Variants in COL3A1 observed in about 807,000 individuals in gnomAD.
COL3A1 encodes the protein collagen type III alpha 1 chain, also known as collagen alpha-1(III) chain.
A neutral mutation model predicts 200.9 loss-of-function variants in COL3A1; 46 were observed. That is an observed-to-expected ratio of 0.23 (90% CI 0.18 to 0.29). The LOEUF is 0.29. Among genes scored for constraint, COL3A1 ranks in the 10% least tolerant of loss-of-function variants. COL3A1 has a pLI of 1.00. For missense variants in COL3A1, 1,367 were observed against 1,917.6 expected (o/e 0.71, Z 5.36); for synonymous variants, 650 against 628.0 (o/e 1.03, Z -0.52).
chr2:188,990,942 TATCA>T (rs1688174842), intron 10 of COL3A1, 58 bp from the exon 11 acceptor site: 1 of 1,525,448 alleles, frequency 6.6e-7, no homozygotes, highest in Non-Finnish European at 9.1e-7. Context: ...ATGTAAACTT[TATCA>T]ATCATTCTAG....
chr2:188,994,417 G>A lies in COL3A1; in HGVS notation c.1293+85G>A. 6.3e-7 allele frequency: 1 copy of A among 1,580,826 alleles called. No homozygotes were observed. The highest frequency in any genetic ancestry group is 8.7e-7 in the Non-Finnish European group (1 of 1,151,774). On this transcript the variant is annotated intron_variant, in intron 18 of 50. Coordinates refer to ENST00000304636, the MANE Select transcript of COL3A1 (RefSeq NM_000090.4). This position sits in a 1 kb window ranked among gnomAD's most constrained non-coding sequence, Gnocchi z 4.5. Reference sequence around the variant, plus strand: ...AAATTAATAGCAAAATTTTGCTCCTGTTCAGTTGAATTTATATTGACTTCA... The same window carrying A: ...AAATTAATAGCAAAATTTTGCTCCTATTCAGTTGAATTTATATTGACTTCA...
chr2:188,998,347 C>T, intron 28 of COL3A1, 28 bp downstream of exon 28: 2 of 1,597,964 alleles, frequency 1.3e-6, no homozygotes, highest in Non-Finnish European at 1.7e-6. Flanking sequence ...ATTCAAAACT[C>T]AGAAACAAAA....
chr2:188,988,021 C>A, intron 5 of COL3A1, 60 bp from the exon 6 acceptor site: 1 of 1,271,636 alleles, frequency 7.9e-7, no homozygotes, highest in Non-Finnish European at 1.2e-6. Context: ...TGCTTTGAAG[C>A]ATGGATAAAG....
intron 15 of COL3A1, 55 bp downstream of exon 15, chr2:188,992,995 G>A (rs1688220385): frequency 7.9e-6 from 12 of 1,516,148 alleles, no homozygotes; most frequent in Admixed American, 5.0e-5. Flanking sequence ...CAAGAGAAAA[G>A]CATTAGATTG....
chr2:188,998,359 G>GTGTGT, intron 28 of COL3A1, 40 bp downstream of exon 28: 1 of 1,537,542 alleles, frequency 6.5e-7, no homozygotes, highest in Non-Finnish European at 9.0e-7. Flanking sequence ...GAAACAAAAA[G>GTGTGT]AATACACACT....
chr2:189,008,352 TC>T, intron 47 of COL3A1: 1 of 589,906 alleles, frequency 1.7e-6, no homozygotes, highest in African/African-American at 1.9e-5. Flanking sequence ...AAAAATTTGA[TC>T]AGGTATCCAT....
chr2:188,982,902 T>C (rs1687984227), intron 1 of COL3A1, among the ~76,000 whole-genome samples: 2 of 151,896 alleles, frequency 1.3e-5, no homozygotes, highest in South Asian at 4.1e-4. Context: ...ACTTAGTACT[T>C]AAATATGAAA....
intron 1 of COL3A1, among the ~76,000 whole-genome samples, chr2:188,982,115 G>A (rs2153501043): frequency 6.6e-6 from 1 of 151,572 alleles, no homozygotes; most frequent in Middle Eastern, 3.4e-3. Context: ...GCACCATGTT[G>A]ACTGTCATGT....
In COL3A1 at chr2:188,989,449, T is replaced by G; in HGVS notation, c.690T>G (p.Asp230Glu). ...AIGPSGPAGK[D>E]GESGRPGRPG... The stretch of plus-strand genomic sequence containing the variant: ...GTCCATCTGGTCCTGCTGGAAAAGA[T>G]GTAAGTTTTTAAAACTTAAATAAGA... Residue 230 changes from aspartate to glutamate, a missense_variant and splice_region_variant, in exon 8 of 51, where the codon GAT becomes GAG. Asp to Glu is a conservative substitution (Grantham distance 45). Around this residue, in one of 5 missense-constraint regions of COL3A1, gnomAD observed 462 missense variants for 681.4 expected, o/e 0.68. Transcript: ENST00000304636. 1.9e-6 allele frequency: 3 copies of G among 1,606,298 alleles called. No individual in the cohort carries two copies. The highest frequency in any genetic ancestry group is 2.6e-6 in the Non-Finnish European group (3 of 1,175,846).
chr2:188,990,411 A>T lies in COL3A1; in HGVS notation c.798+51A>T, dbSNP rs531822307. 15 of 1,421,530 alleles carry T rather than the reference A, an allele frequency of 1.1e-5. No individual in the cohort carries two copies. The Admixed American group carries it at 2.4e-4, about 22-fold the overall frequency. 88.1% of individuals were successfully genotyped at this position (1,421,530 alleles called of 1,614,324 possible). ...CAAGGTATTCCACTGGGCTATGTTT[A>T]CTTGCCTAACCAATTTTACTGGACA... On this transcript the variant is annotated intron_variant, in intron 10 of 50. Coordinates refer to ENST00000304636, the MANE Select transcript of COL3A1 (RefSeq NM_000090.4).
rs12619321 is a variant in COL3A1 at position 188,989,611 on chromosome 2, A to G, written c.690+162A>G. On this transcript the variant is annotated intron_variant, in intron 8 of 50. Transcript: ENST00000304636. ...AATACTAATTTTTGAGTAGCTATAC[A>G]GTATTTGCGTTTCTATATATATCAT... 0.025 allele frequency among the ~76,000 whole-genome samples: 3,805 copies of G among 152,268 alleles called. 119 individuals carry two copies. The highest frequency in any genetic ancestry group is 0.082 in the East Asian group (426 of 5,176).
rs946410316 is a variant in COL3A1, at chr2:188,988,119, T to C, written c.567T>C (p.Gly189=). The part of the protein sequence containing the change: ...PGPPGPPGTS[G]HPGSPGSPGY... ...CTCCCGGTCCCCCTGGTACATCTGG[T>C]CATCCTGGTTCCCCTGTAAGTATAG... Residue 189 remains glycine (G), a synonymous_variant, in exon 6 of 51, where the codon GGT becomes GGC. Coordinates refer to ENST00000304636, the MANE Select transcript of COL3A1 (RefSeq NM_000090.4). 4 of 1,612,772 alleles carry C rather than the reference T, an allele frequency of 2.5e-6. No homozygotes were observed. Among genetic ancestry groups the C allele is most frequent in the Admixed American group, 3.3e-5 (2 of 59,936 alleles).
intron 5 of COL3A1, 98 bp from the exon 6 acceptor site, chr2:188,987,982 GT>G: frequency 1.1e-6 from 1 of 893,896 alleles, no homozygotes; most frequent in Non-Finnish European, 1.9e-6. Context: ...AGATATAGTT[GT>G]TCATAGTTTT....
At chr2:189,010,512 A>G in intron 49 of COL3A1, 136 bp from the exon 50 acceptor site, 1 of 1,485,964 alleles carries the variant, frequency 6.7e-7, no homozygotes, top group Non-Finnish European at 9.3e-7. Flanking sequence ...CAATAAAAAT[A>G]TTTTCACACA....
At chr2:188,982,834 A>G (rs1300522601) in intron 1 of COL3A1, among the ~76,000 whole-genome samples, 1 of 151,866 alleles carries the variant, frequency 6.6e-6, no homozygotes, top group Non-Finnish European at 1.5e-5. Context: ...TGTTCCATGT[A>G]ATTTTACTGC....
Position 188,994,202 on chromosome 2 carries a change from C to A in COL3A1, c.1195-32C>A, listed in dbSNP as rs41272835. ...ATATTCATAAAAGAACATTCAAGTTCGGCTAATATAGTGTCTTTGGTTTGT... is the reference window on the plus strand; with the variant it reads ...ATATTCATAAAAGAACATTCAAGTTAGGCTAATATAGTGTCTTTGGTTTGT... On this transcript the variant is annotated intron_variant, in intron 17 of 50. Coordinates refer to ENST00000304636, the MANE Select transcript of COL3A1 (RefSeq NM_000090.4). This position sits in a 1 kb window ranked among gnomAD's most constrained non-coding sequence, Gnocchi z 4.5. The A allele has an allele frequency of 1.2e-6, 2 of 1,611,332 alleles. No individual in the cohort carries two copies. The highest frequency in any genetic ancestry group is 1.7e-5 in the Admixed American group (1 of 60,006).
At position 188,984,168 on chromosome 2, in the gene COL3A1, G is replaced by A. The variant is rs1688015703; in HGVS notation, c.80-592G>A. ...CCATATGGGATATACAATATATTAT[G>A]TCATATCATGTTGAGCTACTAATGC... On this transcript the variant is annotated intron_variant, in intron 1 of 50. Transcript: ENST00000304636. Among the ~76,000 whole-genome samples, 3 of 151,878 alleles carry A rather than the reference G, an allele frequency of 2.0e-5. No individual in the cohort carries two copies. The South Asian group carries it at 6.2e-4, about 31-fold the overall frequency.
intron 33 of COL3A1, 32 bp downstream of exon 33, chr2:189,001,482 A>G: frequency 6.2e-7 from 1 of 1,614,090 alleles, no homozygotes; most frequent in Non-Finnish European, 8.5e-7. Flanking sequence ...ATATAAAAAG[A>G]AAATGTCTCT....
At position 188,994,135 on chromosome 2, in the gene COL3A1, T is replaced by C. The variant is rs1688246565; in HGVS notation, c.1194+53T>C. 4 of 1,611,746 alleles carry C rather than the reference T, an allele frequency of 2.5e-6. No homozygotes were observed. In the African/African-American group the frequency reaches 5.3e-5, roughly 22 times the overall value. On this transcript the variant is annotated intron_variant, in intron 17 of 50. Transcript: ENST00000304636. This position sits in a 1 kb window ranked among gnomAD's most constrained non-coding sequence, Gnocchi z 4.5. Reference sequence around the variant, plus strand: ...TCTCATCCACACATTACTGGCTTCTTTTGCATTTTGCATGACAATAGATTT... The same window carrying C: ...TCTCATCCACACATTACTGGCTTCTCTTGCATTTTGCATGACAATAGATTT...
Sources: allele counts gnomAD v4.1 joint callset (sites outside exome capture counted in the v4.1 genomes callset), GRCh38; gene constraint gnomAD v4.1.1; regional missense constraint gnomAD v4.1.1; non-coding constraint Gnocchi (gnomAD v3.1); transcripts MANE v1.5; gene names NCBI Gene and HGNC (gene_info 2026-07-23, HGNC 2026-07-21).